ACSS3: variants seen among roughly 807,000 people sequenced by gnomAD.
ACSS3 encodes the protein acyl-CoA synthetase short-chain family member 3, mitochondrial.
Under a neutral mutation model 84.2 loss-of-function variants are expected in ACSS3, and 64 were observed. The ratio of observed to expected loss-of-function variants is 0.76; its 90% confidence interval spans 0.62 to 0.94. The LOEUF (loss-of-function observed/expected upper bound fraction) is 0.94, where lower values mean the gene tolerates loss of function less well. Ranked by LOEUF, ACSS3 falls within the 40% of genes least tolerant of loss-of-function variation. The pLI is 0.00. For missense variants in ACSS3, 815 were observed against 867.6 expected, an observed-to-expected ratio of 0.94 and a Z score of 0.76; for synonymous variants, 317 against 310.1, an observed-to-expected ratio of 1.02 and a Z score of -0.23.
intron 2 of ACSS3, among the ~76,000 whole-genome samples, chr12:81,111,386 T>G (rs1207049869): frequency 6.6e-6 from 1 of 152,042 alleles, no homozygotes; most frequent in Non-Finnish European, 1.5e-5. Context: ...ATACAAGACA[T>G]GGGGTTTTAC....
chr12:81,233,396 T>C lies in ACSS3; in HGVS notation c.1644T>C (p.Tyr548=), dbSNP rs767189004. ...MDAGYMDEEG[Y]LYVMSRVDDV... ...CTGGTTACATGGATGAAGAAGGCTATTTGTATGTTATGTCTCGAGTGGATG... is the reference window on the plus strand; with the variant it reads ...CTGGTTACATGGATGAAGAAGGCTACTTGTATGTTATGTCTCGAGTGGATG... Residue 548 remains tyrosine (Y), a synonymous_variant, in exon 13 of 16, where the codon TAT becomes TAC. Transcript: ENST00000548058. 39 of 1,611,084 alleles carry C rather than the reference T, an allele frequency of 2.4e-5. No homozygotes were observed. Among genetic ancestry groups the C allele is most frequent in the Non-Finnish European group, 3.1e-5 (37 of 1,177,962 alleles).
chr12:81,249,545 T>A (rs1012149118), intron 13 of ACSS3, among the ~76,000 whole-genome samples: 1 of 152,090 alleles, frequency 6.6e-6, no homozygotes, highest in African/African-American at 2.4e-5. Context: ...TTTGCTATTT[T>A]AGGAATGATT....
intron 7 of ACSS3, among the ~76,000 whole-genome samples, chr12:81,159,502 ATTC>A (rs1238638546): frequency 1.3e-5 from 2 of 152,192 alleles, no homozygotes; most frequent in Non-Finnish European, 2.9e-5. Context: ...AAAGTATGCA[ATTC>A]TTGAAGGAAA....
chr12:81,237,676 A>G (rs2033671406), intron 13 of ACSS3, among the ~76,000 whole-genome samples: 1 of 151,574 alleles, frequency 6.6e-6, no homozygotes. Context: ...ACATAGCTTT[A>G]CCCACTTTCT....
At chr12:81,234,497 T>C (rs1170460539) in intron 13 of ACSS3, among the ~76,000 whole-genome samples, 1 of 151,486 alleles carries the variant, frequency 6.6e-6, no homozygotes, top group Non-Finnish European at 1.5e-5. Flanking sequence ...GTGACTGTGC[T>C]ATTTTACATA....
chr12:81,124,985 C>T (rs988554549), intron 2 of ACSS3, among the ~76,000 whole-genome samples: 4 of 152,126 alleles, frequency 2.6e-5, no homozygotes, highest in East Asian at 1.9e-4. Flanking sequence ...GAGGCCGAGG[C>T]GGGCAGATCA....
intron 8 of ACSS3, among the ~76,000 whole-genome samples, chr12:81,181,790 A>T (rs1488336606): frequency 6.7e-6 from 1 of 149,342 alleles, no homozygotes; most frequent in African/African-American, 2.4e-5. Context: ...CTACAATAGT[A>T]GACTAGATAA....
chr12:81,239,920 A>G (rs1327959915), intron 13 of ACSS3, among the ~76,000 whole-genome samples: 2 of 152,076 alleles, frequency 1.3e-5, no homozygotes, highest in African/African-American at 4.8e-5. Context: ...TATAAGCAAA[A>G]TAAATGACAG....
chr12:81,254,532 C>T (rs1042323580), intron 15 of ACSS3, among the ~76,000 whole-genome samples: 1 of 152,008 alleles, frequency 6.6e-6, no homozygotes, highest in African/African-American at 2.4e-5. Flanking sequence ...GGCAATGCAA[C>T]AGTAAGGAGT....
At chr12:81,107,482 ATG>A (rs1377688701) in intron 1 of ACSS3, among the ~76,000 whole-genome samples, 21 of 90,328 alleles carry the variant, frequency 2.3e-4, no homozygotes, top group African/African-American at 7.2e-4. Context: ...CCTGCCAGAA[ATG>A]TTTTTTTTTT....
intron 8 of ACSS3, among the ~76,000 whole-genome samples, chr12:81,198,340 T>C (rs1043699360): frequency 6.6e-6 from 1 of 152,160 alleles, no homozygotes; most frequent in African/African-American, 2.4e-5. Context: ...GAGATACATG[T>C]TCATAGCAAA....
chr12:81,206,864 C>T (rs1285052915), intron 9 of ACSS3, among the ~76,000 whole-genome samples: 1 of 152,126 alleles, frequency 6.6e-6, no homozygotes, highest in African/African-American at 2.4e-5. Context: ...GCTAATCCAC[C>T]TGAGAATGAA....
intron 2 of ACSS3, chr12:81,117,921 G>A (rs1184209745): frequency 1.3e-5 from 2 of 152,198 alleles, no homozygotes; most frequent in Non-Finnish European, 2.9e-5. Flanking sequence ...GCTACATCCA[G>A]TGTGTTTGAA....
intron 8 of ACSS3, among the ~76,000 whole-genome samples, chr12:81,185,074 G>T (rs747403180): frequency 2.0e-5 from 3 of 151,610 alleles, no homozygotes. Flanking sequence ...CTGATTTAAC[G>T]TACATAAATC....
intron 9 of ACSS3, among the ~76,000 whole-genome samples, chr12:81,209,388 TAAA>T (rs5799519): frequency 0.08 from 11,701 of 145,790 alleles, 638 homozygotes; most frequent in East Asian, 0.19. Flanking sequence ...TATTGCTATG[TAAA>T]AAAAAAAAAA....
At chr12:81,199,012 T>C (rs552501337) in intron 8 of ACSS3, among the ~76,000 whole-genome samples, 1 of 152,262 alleles carries the variant, frequency 6.6e-6, no homozygotes, top group East Asian at 1.9e-4. Context: ...GCGGAGACAA[T>C]GTCAAGGTGA....
chr12:81,216,288 C>A (rs777876641), intron 9 of ACSS3, among the ~76,000 whole-genome samples: 3 of 145,414 alleles, frequency 2.1e-5, no homozygotes, highest in Admixed American at 1.4e-4. Flanking sequence ...CATCACACAC[C>A]GGGGACTGTT....
chr12:81,215,483 G>A (rs80073757), intron 9 of ACSS3, among the ~76,000 whole-genome samples: 1,718 of 152,244 alleles, frequency 0.011, 30 homozygotes, highest in African/African-American at 0.039. Context: ...AAGGTAAAGA[G>A]CAGTAATAAA....
At chr12:81,164,839 T>G (rs1389198034) in intron 7 of ACSS3, among the ~76,000 whole-genome samples, 2 of 152,362 alleles carry the variant, frequency 1.3e-5, no homozygotes, top group South Asian at 2.1e-4. Flanking sequence ...GACAGGGATT[T>G]GCTTCTTTTA....
Sources: gnomAD v4.1 joint callset for allele counts (sites outside exome capture counted in the v4.1 genomes callset) on GRCh38, gnomAD v4.1.1 for gene constraint, MANE v1.5 for transcripts, NCBI Gene and HGNC (gene_info 2026-07-23, HGNC 2026-07-21) for gene names.